Variants in SYNE2 observed in about 807,000 individuals in gnomAD.
SYNE2 encodes nesprin-2.
A neutral mutation model predicts 856.3 loss-of-function variants in SYNE2; 431 were observed. That is an observed-to-expected ratio of 0.50 (90% CI 0.47 to 0.55). The LOEUF (loss-of-function observed/expected upper bound fraction) is 0.55. SYNE2 is among the 20% of genes least tolerant of loss of function. The pLI is 0.00. For synonymous variants in SYNE2, 2,923 were observed against 2,872.3 expected, an observed-to-expected ratio of 1.02 and a Z score of -0.56; for missense variants, 8,129 against 8,023.2, an observed-to-expected ratio of 1.01 and a Z score of -0.50.
In SYNE2 at chr14:64,158,707, T is replaced by C. The variant is rs1245310548; in HGVS notation, c.15875T>C (p.Met5292Thr). The C allele has an allele frequency of 6.2e-7, 1 of 1,613,790 alleles. No homozygotes were observed. Among genetic ancestry groups the C allele is most frequent in the African/African-American group, 1.3e-5 (1 of 74,928 alleles). The change falls in exon 86 of 116, where the codon ATG (methionine) becomes ACG (threonine). Residue 5292 changes from methionine to threonine, a missense_variant. By Grantham distance (81) the Met-to-Thr change is moderately conservative. Around this residue, in one of 3 missense-constraint regions of SYNE2, gnomAD observed 5,410 missense variants for 5,284.8 expected, o/e 1.02. Coordinates refer to ENST00000555002, the MANE Select transcript of SYNE2 (RefSeq NM_182914.3). Reference protein sequence around the residue: ...YDQLYDEVNMMTIRFWYCMEH... With the variant: ...YDQLYDEVNMTTIRFWYCMEH... ...CAACTCTATGATGAAGTGAATATGA[T>C]GACAATCCGATTCTGGTACTGCATG...
chr14:63,827,638 A>G (rs138692755), intron 1 of SYNE2, among the ~76,000 whole-genome samples: 1 of 102,084 alleles, frequency 9.8e-6, no homozygotes, highest in Non-Finnish European at 2.1e-5. Flanking sequence ...AAAAAAAAAA[A>G]AAAAAAAAAA....
intron 94 of SYNE2, among the ~76,000 whole-genome samples, chr14:64,171,281 A>T (rs551161566): frequency 7.9e-5 from 12 of 152,210 alleles, no homozygotes; most frequent in Non-Finnish European, 1.2e-4. Flanking sequence ...GCCCTCACTC[A>T]TTATGCAATC....
At chr14:64,220,153 C>T (rs528976405) in intron 110 of SYNE2, among the ~76,000 whole-genome samples, 4 of 152,286 alleles carry the variant, frequency 2.6e-5, no homozygotes, top group East Asian at 1.9e-4. Flanking sequence ...GACCTTTAGT[C>T]GGTCCAGAAA....
chr14:64,199,252 TAGTG>T (rs1273465638), intron 99 of SYNE2, among the ~76,000 whole-genome samples: 1 of 152,154 alleles, frequency 6.6e-6, no homozygotes, highest in Non-Finnish European at 1.5e-5. Context: ...ATGTGCATGT[TAGTG>T]TGTGTGGGAT....
Position 63,769,433 on chromosome 14 carries a change from C to T in SYNE2, c.-305+7447C>T, listed in dbSNP as rs111743876. On this transcript the variant is annotated intron_variant, in intron 1 of 23. Coordinates refer to the SYNE2 transcript ENST00000674003. ...CCTGTAATCCCGCACTTTGGGAGGC[C>T]GAGACAGGCAGATCATGAGGTCAGG... is the stretch of plus-strand genomic sequence containing the variant. 5.2e-3 allele frequency among the ~76,000 whole-genome samples: 785 copies of T among 152,070 alleles called. 3 individuals carry two copies. Among genetic ancestry groups the T allele is most frequent in the African/African-American group, 0.017 (717 of 41,474 alleles).
intron 32 of SYNE2, among the ~76,000 whole-genome samples, 199 bp downstream of exon 32, chr14:64,010,315 G>A (rs550381649): frequency 6.6e-6 from 1 of 152,270 alleles, no homozygotes; most frequent in East Asian, 1.9e-4. Flanking sequence ...AGTTGATGGT[G>A]GGTCACTTCT....
chr14:64,191,006 A>C, intron 99 of SYNE2: 1 of 702,076 alleles, frequency 1.4e-6, no homozygotes, highest in Non-Finnish European at 2.6e-6. Context: ...CTGTGCTTCC[A>C]CTGGCCACAC....
rs138807214 is a variant in SYNE2 at position 63,787,432 on chromosome 14, A to G, written c.-305+25446A>G. 6.8e-4 allele frequency among the ~76,000 whole-genome samples: 104 copies of G among 152,282 alleles called. 1 individual carries two copies. The South Asian group carries it at 0.016, about 24-fold the overall frequency. On this transcript the variant is annotated intron_variant, in intron 1 of 23. Coordinates refer to the SYNE2 transcript ENST00000674003. ...TTAGTTCCCACATAGGAGTGAAAAC[A>G]TGTATTGTCACTCTTTTGGCCAGAA... is the stretch of plus-strand genomic sequence containing the variant.
intron 96 of SYNE2, among the ~76,000 whole-genome samples, chr14:64,179,441 T>C (rs1315753094): frequency 6.6e-6 from 1 of 152,232 alleles, no homozygotes; most frequent in East Asian, 1.9e-4. Context: ...GCGCCTGGCC[T>C]ACAATGTAAC....
intron 99 of SYNE2, among the ~76,000 whole-genome samples, chr14:64,199,728 A>AAG (rs1555542581): frequency 6.6e-6 from 1 of 151,324 alleles, no homozygotes; most frequent in African/African-American, 2.4e-5. Context: ...AAAAAAAAAA[A>AAG]AAAAAAAAGT....
intron 17 of SYNE2, 59 bp downstream of exon 17, chr14:63,982,853 T>C: frequency 6.5e-7 from 1 of 1,546,328 alleles, no homozygotes; most frequent in South Asian, 1.1e-5. Flanking sequence ...CCACACAATT[T>C]ACTCATTGTA....
intron 6 of SYNE2, 27 bp from the exon 7 acceptor site, chr14:63,949,798 A>T: frequency 6.2e-7 from 1 of 1,613,758 alleles, no homozygotes; most frequent in Non-Finnish European, 8.5e-7. Context: ...GCTTTTATAA[A>T]CGTTAAGTCT....
intron 43 of SYNE2, 52 bp downstream of exon 43, chr14:64,027,845 A>T: frequency 3.0e-6 from 4 of 1,323,398 alleles, no homozygotes; most frequent in South Asian, 1.2e-5. Context: ...ATACATAAGT[A>T]TGCAAGACAT....
chr14:63,994,682 C>T (rs1391279938), intron 22 of SYNE2, among the ~76,000 whole-genome samples: 5 of 152,104 alleles, frequency 3.3e-5, no homozygotes, highest in Non-Finnish European at 7.4e-5. Flanking sequence ...TCACAGTTTT[C>T]CTCAGATGTT....
intron 1 of SYNE2, among the ~76,000 whole-genome samples, chr14:63,870,140 A>G (rs1348461734): frequency 2.6e-5 from 4 of 152,110 alleles, no homozygotes; most frequent in Non-Finnish European, 4.4e-5. Flanking sequence ...CCTCCAAAAT[A>G]TAACCACAAA....
rs140445460 is a variant in SYNE2, at chr14:64,211,408, A to G, written c.18724-553A>G. On this transcript the variant is annotated intron_variant, in intron 103 of 115. Coordinates refer to ENST00000555002, the MANE Select transcript of SYNE2 (RefSeq NM_182914.3). ...ACCTGAGAGGCATCCTTAATTGGAG[A>G]TGATACAACTGCTCTGAGTCTTCTT... is the stretch of plus-strand genomic sequence containing the variant. Among the ~76,000 whole-genome samples the G allele has an allele frequency of 4.2e-3, 646 of 152,300 alleles. 6 individuals are homozygous for G. Among genetic ancestry groups the G allele is most frequent in the Non-Finnish European group, 6.6e-3 (449 of 68,014 alleles).
intron 1 of SYNE2, among the ~76,000 whole-genome samples, chr14:63,771,819 C>T (rs1039426992): frequency 3.3e-5 from 5 of 152,002 alleles, no homozygotes; most frequent in South Asian, 2.1e-4. Context: ...ATCACTTGAA[C>T]CCAAGAGGCG....
chr14:63,966,185 G>A (rs2096388499), intron 10 of SYNE2, among the ~76,000 whole-genome samples: 1 of 152,024 alleles, frequency 6.6e-6, no homozygotes, highest in Non-Finnish European at 1.5e-5. Context: ...AGCCATACCT[G>A]TCAGTAGCTA....
chr14:63,819,984 G>A (rs12885362), intron 1 of SYNE2, among the ~76,000 whole-genome samples: 96,148 of 151,900 alleles, frequency 0.63, 30,889 homozygotes, highest in South Asian at 0.77. Context: ...CTAGTAAAAT[G>A]CTACAAAACA....
Sources: gnomAD v4.1 joint callset for allele counts (sites outside exome capture counted in the v4.1 genomes callset) on GRCh38, gnomAD v4.1.1 for gene constraint, gnomAD v4.1.1 regional missense constraint, MANE v1.5 for transcripts, NCBI Gene and HGNC (gene_info 2026-07-23, HGNC 2026-07-21) for gene names.